The following PACRG variants were observed in gnomAD, a reference collection of about 807,000 sequenced individuals.
The protein encoded by PACRG is parkin coregulated gene protein.
Under a neutral mutation model 29.7 loss-of-function variants are expected in PACRG, and 29 were observed. The ratio of observed to expected loss-of-function variants is 0.98; its 90% CI spans 0.73 to 1.33. PACRG has a LOEUF of 1.33. Among genes scored for constraint, PACRG ranks in the 40% most tolerant of loss-of-function variants. The pLI, the probability that PACRG is intolerant of heterozygous loss-of-function variation, is 0.00. For missense variants in PACRG, 279 were observed against 316.2 expected, an observed-to-expected ratio of 0.88 and a Z score of 0.89; for synonymous variants, 116 against 118.7, an observed-to-expected ratio of 0.98 and a Z score of 0.15.
chr6:163,174,723 T>G (rs1779262070), intron 4 of PACRG, among the ~76,000 whole-genome samples: 1 of 152,168 alleles, frequency 6.6e-6, no homozygotes, highest in Non-Finnish European at 1.5e-5. Context: ...AATTTCTTCT[T>G]ATTCAATTCT....
chr6:163,276,011 CTTT>C (rs1784012003), intron 4 of PACRG, among the ~76,000 whole-genome samples: 1 of 143,556 alleles, frequency 7.0e-6, no homozygotes, highest in African/African-American at 2.8e-5. Flanking sequence ...TTCCTTCCTT[CTTT>C]CTTTCTTTCT....
chr6:163,165,881 A>G, intron 4 of PACRG: 1 of 352,886 alleles, frequency 2.8e-6, no homozygotes, highest in Non-Finnish European at 5.6e-6. Context: ...AGGGGGAGAG[A>G]ACGAATGAAA....
chr6:163,226,595 C>CA (rs1408110595), intron 4 of PACRG, among the ~76,000 whole-genome samples: 1 of 152,190 alleles, frequency 6.6e-6, no homozygotes, highest in African/African-American at 2.4e-5. Flanking sequence ...CACTTGAGGC[C>CA]AAGGGGCTGG....
At chr6:162,824,047 C>T (rs1488884137) in intron 2 of PACRG, among the ~76,000 whole-genome samples, 1 of 152,140 alleles carries the variant, frequency 6.6e-6, no homozygotes, top group East Asian at 1.9e-4. Flanking sequence ...CACAGGTACC[C>T]AGCTCTGTCT....
intron 4 of PACRG, among the ~76,000 whole-genome samples, chr6:163,302,953 A>G (rs1204407476): frequency 1.3e-5 from 2 of 152,210 alleles, no homozygotes; most frequent in African/African-American, 4.8e-5. Context: ...TGGGATGGCT[A>G]TGCAAAGGCT....
intron 2 of PACRG, among the ~76,000 whole-genome samples, chr6:162,952,117 AAG>A (rs1391844144): frequency 1.3e-5 from 2 of 152,190 alleles, no homozygotes. Context: ...TCCGTCATGA[AAG>A]AGAGAGACTC....
intron 1 of PACRG, among the ~76,000 whole-genome samples, chr6:162,794,426 T>G (rs1324473615): frequency 6.6e-6 from 1 of 152,202 alleles, no homozygotes; most frequent in Non-Finnish European, 1.5e-5. Context: ...ATGGCATCTC[T>G]TGATGAGCAA....
chr6:162,950,245 C>T (rs1263903994), intron 2 of PACRG, among the ~76,000 whole-genome samples: 1 of 152,134 alleles, frequency 6.6e-6, no homozygotes, highest in Admixed American at 6.5e-5. Context: ...CGCCTATAAT[C>T]CCAGCACTTT....
chr6:163,028,629 C>A (rs900982132), intron 2 of PACRG, among the ~76,000 whole-genome samples: 2 of 152,034 alleles, frequency 1.3e-5, no homozygotes, highest in African/African-American at 2.4e-5. Flanking sequence ...TTTAAATATT[C>A]GTTTTTTCAT....
chr6:162,868,093 A>C (rs541156185), intron 2 of PACRG, among the ~76,000 whole-genome samples: 1 of 152,160 alleles, frequency 6.6e-6, no homozygotes, highest in Admixed American at 6.5e-5. Context: ...CTCTCACTGA[A>C]TAAGGAGAGG....
intron 2 of PACRG, among the ~76,000 whole-genome samples, chr6:162,847,014 G>GC (rs891933629): frequency 4.6e-5 from 5 of 108,214 alleles, no homozygotes; most frequent in Admixed American, 1.0e-4. Context: ...ACACTGTGAT[G>GC]CCCCCCACAC....
At chr6:163,233,922 T>C (rs1782138164) in intron 4 of PACRG, among the ~76,000 whole-genome samples, 2 of 152,200 alleles carry the variant, frequency 1.3e-5, no homozygotes, top group Non-Finnish European at 2.9e-5. Flanking sequence ...GACATTCAAA[T>C]AGAAATATTC....
At chr6:163,101,393 A>T (rs1585214545) in intron 4 of PACRG, 1 of 974,494 alleles carries the variant, frequency 1.0e-6, no homozygotes, top group East Asian at 1.1e-4. Flanking sequence ...AGTTTTTCTA[A>T]CAGAAATCAC....
intron 4 of PACRG, chr6:163,312,815 C>G (rs1259173490): frequency 2.3e-6 from 1 of 433,798 alleles, no homozygotes; most frequent in East Asian, 8.0e-5. Context: ...TGCAGTGGCG[C>G]GATCATGGCT....
intron 4 of PACRG, among the ~76,000 whole-genome samples, chr6:163,231,249 T>A: frequency 6.6e-6 from 1 of 152,262 alleles, no homozygotes; most frequent in Non-Finnish European, 1.5e-5. Context: ...CTATTTCTCT[T>A]AACTTCATCC....
chr6:163,312,705 C>T, intron 4 of PACRG: 1 of 375,714 alleles, frequency 2.7e-6, no homozygotes, highest in African/African-American at 2.2e-5. Flanking sequence ...GGGCAAGGAC[C>T]CTTTTGTTTC....
chr6:162,981,305 A>ATATATATATATATTTTTTTTTTTT (rs925663285), intron 2 of PACRG, among the ~76,000 whole-genome samples: 2 of 149,130 alleles, frequency 1.3e-5, no homozygotes, highest in African/African-American at 2.5e-5. Flanking sequence ...ATATATATAT[A>ATATATATATATATTTTTTTTTTTT]TTTACAATGG....
At chr6:163,156,620 A>G (rs1778329455) in intron 4 of PACRG, among the ~76,000 whole-genome samples, 1 of 152,194 alleles carries the variant, frequency 6.6e-6, no homozygotes, top group South Asian at 2.1e-4. Context: ...ACAAATTTAC[A>G]GAGTTGGGGG....
chr6:162,932,517 C>A (rs1797927837), intron 2 of PACRG, among the ~76,000 whole-genome samples: 1 of 151,928 alleles, frequency 6.6e-6, no homozygotes, highest in South Asian at 2.1e-4. Context: ...GGGTCCTGGG[C>A]TTTTCCTTGA....
Sources: gnomAD v4.1 joint callset for allele counts (sites outside exome capture counted in the v4.1 genomes callset) on GRCh38, gnomAD v4.1.1 for gene constraint, MANE v1.5 for transcripts, NCBI Gene and HGNC (gene_info 2026-07-23, HGNC 2026-07-21) for gene names.